CD83: variants seen among roughly 807,000 people sequenced by gnomAD.
CD83 encodes CD83 molecule, also known as CD83 antigen.
Under a neutral mutation model 24.6 loss-of-function variants are expected in CD83, and 22 were observed. The observed-to-expected ratio is 0.90, with a 90% CI of 0.64 to 1.28. CD83 has a LOEUF of 1.28. CD83 is among the 50% of genes most tolerant of loss of function. The pLI, the probability that CD83 is intolerant of heterozygous loss-of-function variation, is 0.00. For synonymous variants in CD83, 101 were observed against 103.5 expected (o/e 0.98, Z 0.14); for missense variants, 253 against 252.8 (o/e 1.00, Z -0.01).
chr6:14,117,602 ACGGGGGCGGGGACGGGGGCGAAGGGGG>A (rs1337397241), upstream of CD83: 3 of 134,330 alleles, frequency 2.2e-5, no homozygotes, highest in Non-Finnish European at 3.7e-5. This position sits in a 1 kb window ranked among gnomAD's most constrained non-coding sequence, Gnocchi z 4.6. Flanking sequence ...GGGGGCGGGG[ACGGGGGCGGGGACGGGGGCGAAGGGGG>A]CGGGGACGGG....
intron 2 of CD83, among the ~76,000 whole-genome samples, chr6:14,120,587 G>T (rs1401992410): frequency 1.3e-5 from 2 of 152,120 alleles, no homozygotes; most frequent in East Asian, 3.8e-4. Context: ...GCTTCATACT[G>T]GGCAAGGAAA....
At chr6:14,121,243 C>T (rs569579096) in intron 2 of CD83, among the ~76,000 whole-genome samples, 9 of 152,180 alleles carry the variant, frequency 5.9e-5, no homozygotes, top group African/African-American at 1.9e-4. Context: ...GAAGATGGCT[C>T]ACTGCAGCCT....
chr6:14,118,638 C>T (rs1027424811), intron 2 of CD83, among the ~76,000 whole-genome samples: 3 of 152,230 alleles, frequency 2.0e-5, no homozygotes, highest in Non-Finnish European at 4.4e-5. Context: ...CCCTCCTCCT[C>T]CTTCCTCTGG....
At chr6:14,118,185 G>A (rs1303333230) in intron 2 of CD83, 120 bp downstream of exon 2, 4 of 661,956 alleles carry the variant, frequency 6.0e-6, no homozygotes, top group African/African-American at 3.7e-5. Flanking sequence ...GGCGTCTCCC[G>A]CAGCTGAACT....
intron 2 of CD83, among the ~76,000 whole-genome samples, chr6:14,125,584 C>T (rs1759785783): frequency 6.6e-6 from 1 of 152,170 alleles, no homozygotes; most frequent in African/African-American, 2.4e-5. Context: ...CGTGGGGTAC[C>T]AGGCCTGAGT....
intron 2 of CD83, among the ~76,000 whole-genome samples, chr6:14,130,307 G>A (rs1342648180): frequency 6.6e-6 from 1 of 152,226 alleles, no homozygotes; most frequent in African/African-American, 2.4e-5. Context: ...GAGCAACTTA[G>A]CAAGTTAATT....
intron 2 of CD83, among the ~76,000 whole-genome samples, chr6:14,120,789 T>G (rs913668214): frequency 1.3e-5 from 2 of 152,270 alleles, no homozygotes; most frequent in Non-Finnish European, 2.9e-5. Context: ...AAAGGACCCA[T>G]GTAAACCATG....
In CD83 at chr6:14,117,952, T is replaced by A. The variant is rs201481435; in HGVS notation, c.40T>A (p.Tyr14Asn). 1 of 1,607,960 alleles carries A rather than the reference T, an allele frequency of 6.2e-7. No homozygotes were observed. The change falls in exon 2 of 5, where the codon TAC becomes AAC. Residue 14 changes from tyrosine to asparagine, a missense_variant and splice_region_variant. Transcript: ENST00000379153. The surrounding 1 kb of genome is among the most constrained non-coding windows in gnomAD (Gnocchi z 4.6). ...GACGCGCTCTCTCTTTCTTGTAGCC[T>A]ACAGCCTGGCTCCCGCGACGCCGGA... ...GLQLLLLSCA[Y>N]SLAPATPEVK...
At chr6:14,133,295 A>C (rs1250493243) in intron 3 of CD83, among the ~76,000 whole-genome samples, 1 of 152,268 alleles carries the variant, frequency 6.6e-6, no homozygotes, top group African/African-American at 2.4e-5. Context: ...TCCGAAGTGC[A>C]GGCAGACAGG....
chr6:14,117,706 C>T, upstream of CD83: 2 of 817,486 alleles, frequency 2.4e-6, no homozygotes, highest in Non-Finnish European at 3.5e-6. This position sits in a 1 kb window ranked among gnomAD's most constrained non-coding sequence, Gnocchi z 4.6. Flanking sequence ...GGGGAATCCC[C>T]CGGGCTGGCG....
rs1019032246 is a variant in CD83, at chr6:14,117,819, G to T, written c.8G>T (p.Arg3Leu). The part of the protein sequence containing the change: MS[R>L]GLQLLLLSCA... ...CGGCGCAGCGCTCCAGCCATGTCGC[G>T]CGGCCTCCAGCTTCTGCTCCTGAGC... Residue 3 changes from arginine to leucine, a missense_variant, in exon 1 of 5, where the codon CGC becomes CTC. Coordinates refer to ENST00000379153, the MANE Select transcript of CD83 (RefSeq NM_004233.4). The surrounding 1 kb of genome is among the most constrained non-coding windows in gnomAD (Gnocchi z 4.6). 4 of 1,562,278 alleles carry T rather than the reference G, an allele frequency of 2.6e-6. No individual in the cohort carries two copies. In the African/African-American group the frequency reaches 5.4e-5, roughly 21 times the overall value.
chr6:14,125,011 G>A (rs1759772675), intron 2 of CD83, among the ~76,000 whole-genome samples: 13 of 152,184 alleles, frequency 8.5e-5, no homozygotes, highest in Admixed American at 7.9e-4. Context: ...GACAGACACA[G>A]GGATTGGAGT....
upstream of CD83, chr6:14,117,643 GC>G: frequency 5.2e-6 from 2 of 381,072 alleles, no homozygotes; most frequent in Non-Finnish European, 9.2e-6. The surrounding 1 kb of genome is among the most constrained non-coding windows in gnomAD (Gnocchi z 4.6). Flanking sequence ...GGACGGGGGC[GC>G]CCCGGCCTAA....
intron 2 of CD83, among the ~76,000 whole-genome samples, chr6:14,123,267 T>C (rs1043303239): frequency 6.6e-6 from 1 of 152,050 alleles, no homozygotes; most frequent in Admixed American, 6.6e-5. Flanking sequence ...CCGGCTACTT[T>C]TTTGTATTTT....
At position 14,118,001 on chromosome 6, in the gene CD83, A is replaced by G; in HGVS notation, c.89A>G (p.Asp30Gly). 6.2e-7 allele frequency: 1 copy of G among 1,611,344 alleles called. No individual in the cohort carries two copies. The change falls in exon 2 of 5, where the codon GAT (aspartate) becomes GGT (glycine). Residue 30 changes from aspartate to glycine, a missense_variant. Transcript: ENST00000379153. ...TPEVKVACSE[D>G]VDLPCTAPWD... ...GAGGTGAAGGTGGCTTGCTCCGAAG[A>G]TGTGGACTTGCCCTGCACCGCCCCC...
In CD83 at chr6:14,135,309, G is replaced by A. The variant is rs1380156769; in HGVS notation, c.*73G>A. The A allele has an allele frequency of 3.8e-5, 57 of 1,514,750 alleles. No individual in the cohort carries two copies. The highest frequency in any genetic ancestry group is 5.0e-5 in the Non-Finnish European group (55 of 1,108,898). The allele number at this position is 1,514,750 out of a possible 1,614,324, so 93.8% of individuals were successfully genotyped here. A position where few individuals can be genotyped will look rare whatever the true frequency, so the allele number is the denominator to read the frequency against. ...TGCCTGTCTGTTACACTGGAGGAGA[G>A]AAGAATGAGCCTACGCTGAAGATGG... On this transcript the variant is annotated 3_prime_UTR_variant, in exon 5 of 5. Coordinates refer to ENST00000379153, the MANE Select transcript of CD83 (RefSeq NM_004233.4).
At chr6:14,132,311 C>A (rs1036470974) in intron 3 of CD83, among the ~76,000 whole-genome samples, 5 of 152,154 alleles carry the variant, frequency 3.3e-5, no homozygotes, top group African/African-American at 9.7e-5. Context: ...CATAGTAGGC[C>A]CTCAATGAAT....
intron 2 of CD83, among the ~76,000 whole-genome samples, chr6:14,119,555 T>C (rs1759624241): frequency 6.6e-6 from 1 of 152,192 alleles, no homozygotes; most frequent in Non-Finnish European, 1.5e-5. Context: ...GGAAATAACT[T>C]GTCCACTTTT....
chr6:14,119,845 T>C (rs59482519), intron 2 of CD83, among the ~76,000 whole-genome samples: 100 of 152,364 alleles, frequency 6.6e-4, no homozygotes, highest in African/African-American at 2.0e-3. Context: ...AACAAGTAGA[T>C]GAAATTTCAG....
Sources: gnomAD v4.1 joint callset for allele counts (sites outside exome capture counted in the v4.1 genomes callset) on GRCh38, gnomAD v4.1.1 for gene constraint, Gnocchi (gnomAD v3.1) non-coding constraint, MANE v1.5 for transcripts, NCBI Gene and HGNC (gene_info 2026-07-23, HGNC 2026-07-21) for gene names.